Variants in GPM6B observed in about 807,000 individuals in gnomAD.
GPM6B encodes the protein neuronal membrane glycoprotein M6-b.
Under a neutral mutation model 27.2 loss-of-function variants are expected in GPM6B, and 4 were observed. The ratio of observed to expected loss-of-function variants is 0.15; its 90% CI spans 0.07 to 0.34. The LOEUF (loss-of-function observed/expected upper bound fraction) is 0.34, where lower values mean the gene tolerates loss of function less well. Among genes scored for constraint, GPM6B ranks in the 10% least tolerant of loss-of-function variants. GPM6B has a pLI of 1.00. For missense variants in GPM6B, 183 were observed against 261.9 expected, an observed-to-expected ratio of 0.70 and a Z score of 2.08; for synonymous variants, 124 against 103.1, an observed-to-expected ratio of 1.20 and a Z score of -1.23.
rs34549189 is a variant in GPM6B at position 13,874,543 on chromosome X, C to CAAA, written c.-198+63781_-198+63783dup. On this transcript the variant is annotated intron_variant, in intron 1 of 6. Coordinates refer to the GPM6B transcript ENST00000398361. ...TGAAACCCCATCTCTACTAAAAATA[C>CAAA]AAAAAAAAAAAAAAAAATTAGCTGG... is the stretch of plus-strand genomic sequence containing the variant. Among the ~76,000 whole-genome samples the CAAA allele has an allele frequency of 6.9e-3, 567 of 82,558 alleles. 12 individuals are homozygous for CAAA. Among genetic ancestry groups the CAAA allele is most frequent in the Admixed American group, 0.033 (231 of 6,982 alleles). 71.7% of individuals were successfully genotyped at this position (82,558 alleles called of 115,157 possible).
rs780097475 is a variant in GPM6B at position 13,779,917 on chromosome X, T to C, written c.598A>G (p.Met200Val). The change falls in exon 5 of 8, where the codon ATG becomes GTG. Residue 200 changes from methionine (M) to valine (V), a missense_variant. By Grantham distance (21) the Met-to-Val change is conservative. Coordinates refer to ENST00000316715, the MANE Select transcript of GPM6B (RefSeq NM_001001995.3). ...VFGFSAVPVF[M>V]FYNIWSTCEV... is the part of the protein sequence containing the mutation. ...CAAGTTGACCATATGTTGTAGAACA[T>C]AAACACGGGCACCGCTGAGAAACCA... 3.0e-5 allele frequency: 36 copies of C among 1,200,742 alleles called. No individual in the cohort carries two copies. Among genetic ancestry groups the C allele is most frequent in the Non-Finnish European group, 3.8e-5 (34 of 888,796 alleles).
At chrX:13,875,571 C>T (rs1206532530) in intron 1 of GPM6B, among the ~76,000 whole-genome samples, 1 of 112,083 alleles carries the variant, frequency 8.9e-6, no homozygotes, top group Non-Finnish European at 1.9e-5. Flanking sequence ...CTTGTACACA[C>T]ATGGTCACAG....
At chrX:13,921,581 C>CCTTTT (rs1555932309) in intron 1 of GPM6B, among the ~76,000 whole-genome samples, 3 of 92,819 alleles carry the variant, frequency 3.2e-5, no homozygotes, top group African/African-American at 1.2e-4. Flanking sequence ...AACCCCCCCC[C>CCTTTT]TTTTTTTTTT....
At chrX:13,811,794 A>T (rs965690992) in intron 1 of GPM6B, among the ~76,000 whole-genome samples, 5 of 112,162 alleles carry the variant, frequency 4.5e-5, no homozygotes, top group African/African-American at 1.6e-4. Context: ...CTTATCAAAT[A>T]GGAAATTATT....
At chrX:13,792,911 A>G (rs2147146124) in intron 2 of GPM6B, among the ~76,000 whole-genome samples, 1 of 108,095 alleles carries the variant, frequency 9.3e-6, no homozygotes, top group East Asian at 2.9e-4. Context: ...AAAAAAAAAA[A>G]AAAAAAATTC....
chrX:13,798,911 G>A (rs566130380), intron 2 of GPM6B, among the ~76,000 whole-genome samples: 2 of 112,301 alleles, frequency 1.8e-5, no homozygotes, highest in African/African-American at 6.5e-5. Flanking sequence ...AAACTCCCCC[G>A]GATTGGGAAA....
At chrX:13,778,224 T>C (rs947472051) in intron 5 of GPM6B, among the ~76,000 whole-genome samples, 2 of 110,397 alleles carry the variant, frequency 1.8e-5, no homozygotes, top group East Asian at 2.8e-4. Flanking sequence ...AAGTTTTGTA[T>C]TTTTAGTAGA....
At chrX:13,834,503 T>C (rs1178492752) in intron 1 of GPM6B, among the ~76,000 whole-genome samples, 1 of 112,708 alleles carries the variant, frequency 8.9e-6, no homozygotes, top group Non-Finnish European at 1.9e-5. Flanking sequence ...AACCATGCCA[T>C]ACAATTAAGT....
At chrX:13,831,654 T>C (rs984436652) in intron 1 of GPM6B, among the ~76,000 whole-genome samples, 6 of 111,497 alleles carry the variant, frequency 5.4e-5, no homozygotes, top group Non-Finnish European at 1.1e-4. Context: ...ACTGGGCTCC[T>C]GGCGTTCTTT....
chrX:13,792,389 TAGACCAC>T (rs974540615), intron 2 of GPM6B, among the ~76,000 whole-genome samples: 24 of 111,870 alleles, frequency 2.1e-4, no homozygotes, highest in African/African-American at 7.1e-4. Context: ...CTACATCGTT[TAGACCAC>T]TGGTTCCTAA....
intron 1 of GPM6B, among the ~76,000 whole-genome samples, chrX:13,926,440 C>CAAA (rs1569310944): frequency 5.4e-5 from 1 of 18,491 alleles, no homozygotes; most frequent in South Asian, 8.9e-4. Context: ...AAAAAAAACA[C>CAAA]ACAAAAAAAG....
chrX:13,853,640 A>C (rs2147244190), intron 1 of GPM6B, among the ~76,000 whole-genome samples: 1 of 106,191 alleles, frequency 9.4e-6, no homozygotes, highest in African/African-American at 3.4e-5. Context: ...TGGAGTCTGG[A>C]AGAATCCACA....
At chrX:13,786,321 G>C (rs935712239) in intron 2 of GPM6B, among the ~76,000 whole-genome samples, 4 of 112,014 alleles carry the variant, frequency 3.6e-5, no homozygotes, top group African/African-American at 1.3e-4. Flanking sequence ...TGGACCTCCG[G>C]GGCAACTGGG....
At chrX:13,851,024 G>A (rs967219274) in intron 1 of GPM6B, among the ~76,000 whole-genome samples, 3 of 109,124 alleles carry the variant, frequency 2.7e-5, no homozygotes, top group Non-Finnish European at 5.7e-5. Flanking sequence ...TTAGCTGGGC[G>A]CGGTGGTGCA....
chrX:13,869,952 T>A (rs2049957501), intron 1 of GPM6B, among the ~76,000 whole-genome samples: 1 of 112,234 alleles, frequency 8.9e-6, no homozygotes, highest in South Asian at 3.7e-4. Flanking sequence ...TTGTCCTGTC[T>A]CCTTGGTCTC....
chrX:13,892,883 A>G (rs919258799), intron 1 of GPM6B, among the ~76,000 whole-genome samples: 1 of 111,936 alleles, frequency 8.9e-6, no homozygotes, highest in African/African-American at 3.2e-5. Context: ...TGTCTCTACA[A>G]AAATAAAATA....
At chrX:13,849,995 G>A (rs897321917) in intron 1 of GPM6B, among the ~76,000 whole-genome samples, 1 of 111,797 alleles carries the variant, frequency 8.9e-6, no homozygotes, top group African/African-American at 3.3e-5. Flanking sequence ...CAAAGGAGAG[G>A]CTGCAGTGAG....
rs1217973613 is a variant in GPM6B at position 13,873,769 on chromosome X, G to T, written c.-198+64558C>A. 9.0e-5 allele frequency among the ~76,000 whole-genome samples: 10 copies of T among 111,680 alleles called. No homozygotes were observed. The Admixed American group carries it at 9.5e-4, about 11-fold the overall frequency. On this transcript the variant is annotated intron_variant, in intron 1 of 6. Coordinates refer to the GPM6B transcript ENST00000398361. ...CATGAAAATGTGCTCAAGGGATCCAGACAACTCAAATGTCTCCATTTTTGC... is the reference window on the plus strand; with the variant it reads ...CATGAAAATGTGCTCAAGGGATCCATACAACTCAAATGTCTCCATTTTTGC...
intron 2 of GPM6B, among the ~76,000 whole-genome samples, chrX:13,794,215 C>T (rs1377003796): frequency 1.9e-5 from 2 of 108,080 alleles, no homozygotes; most frequent in Non-Finnish European, 3.8e-5. Flanking sequence ...GATACAATCT[C>T]ACTCTGTTAC....
Sources: gnomAD v4.1 joint callset for allele counts (sites outside exome capture counted in the v4.1 genomes callset) on GRCh38, gnomAD v4.1.1 for gene constraint, MANE v1.5 for transcripts, NCBI Gene and HGNC (gene_info 2026-07-23, HGNC 2026-07-21) for gene names.